Variants in SCHIP1 observed in about 807,000 individuals in gnomAD.
SCHIP1 encodes the protein schwannomin interacting protein 1.
A neutral mutation model predicts 29.7 loss-of-function variants in SCHIP1; 8 were observed. The ratio of observed to expected loss-of-function variants is 0.27; its 90% CI spans 0.16 to 0.49. The LOEUF is 0.49. Ranked by LOEUF, SCHIP1 falls within the 20% of genes least tolerant of loss-of-function variation. The probability of loss-of-function intolerance (pLI) is 0.99; values close to 1 mark genes in which losing one functional copy is unlikely to be tolerated. For missense variants in SCHIP1, 193 were observed against 294.6 expected (o/e 0.66, Z 2.52); for synonymous variants, 76 against 94.9 (o/e 0.80, Z 1.16).
the SCHIP1 span, among the ~76,000 whole-genome samples, chr3:159,553,103 T>A: frequency 6.6e-6 from 1 of 152,132 alleles, no homozygotes; most frequent in Admixed American, 6.5e-5. Context: ...AACCAAATAA[T>A]TTTCCTTTCT....
At chr3:159,459,231 A>G in the SCHIP1 span, among the ~76,000 whole-genome samples, 2 of 152,034 alleles carry the variant, frequency 1.3e-5, no homozygotes, top group African/African-American at 4.8e-5. Context: ...TATCCCAGGT[A>G]TGGTCTCCTG....
the SCHIP1 span, among the ~76,000 whole-genome samples, chr3:159,348,759 C>T: frequency 6.6e-6 from 1 of 152,034 alleles, no homozygotes; most frequent in East Asian, 1.9e-4. Flanking sequence ...AGGTTATTTT[C>T]CAAATTGATA....
the SCHIP1 span, among the ~76,000 whole-genome samples, chr3:159,744,310 C>A: frequency 6.6e-6 from 1 of 152,112 alleles, no homozygotes; most frequent in Admixed American, 6.5e-5. Flanking sequence ...AGAAACTGAT[C>A]AAAAAACTTT....
the SCHIP1 span, among the ~76,000 whole-genome samples, chr3:159,702,527 A>C: frequency 6.6e-6 from 1 of 152,244 alleles, no homozygotes; most frequent in African/African-American, 2.4e-5. Context: ...TTTCCATGAC[A>C]GTTCATAAAG....
chr3:159,468,750 TA>T, the SCHIP1 span, among the ~76,000 whole-genome samples: 199 of 128,940 alleles, frequency 1.5e-3, no homozygotes, highest in South Asian at 5.9e-3. Context: ...ATATAATATA[TA>T]ATATAATATA....
chr3:159,331,036 A>T, the SCHIP1 span, among the ~76,000 whole-genome samples: 37,235 of 152,046 alleles, frequency 0.24, 4,893 homozygotes, highest in African/African-American at 0.33. Flanking sequence ...TATGTCTTGG[A>T]TGGGATTTCC....
the SCHIP1 span, among the ~76,000 whole-genome samples, chr3:159,404,413 A>T: frequency 6.6e-6 from 1 of 152,142 alleles, no homozygotes; most frequent in African/African-American, 2.4e-5. Context: ...ACTGCCCTGA[A>T]GGGAGCGTCC....
chr3:159,587,611 C>T, the SCHIP1 span, among the ~76,000 whole-genome samples: 1 of 152,068 alleles, frequency 6.6e-6, no homozygotes, highest in African/African-American at 2.4e-5. Flanking sequence ...TAATGCTATC[C>T]CTCCCCCCTT....
At chr3:159,519,209 A>C in the SCHIP1 span, among the ~76,000 whole-genome samples, 333 of 152,290 alleles carry the variant, frequency 2.2e-3, no homozygotes, top group African/African-American at 7.9e-3. Flanking sequence ...TGAAGTAGCC[A>C]AGTTAGTCCC....
the SCHIP1 span, among the ~76,000 whole-genome samples, chr3:159,530,934 G>A: frequency 4.6e-5 from 7 of 152,154 alleles, no homozygotes; most frequent in Admixed American, 2.0e-4. Flanking sequence ...TTTTTAATGT[G>A]ATAGCATCAG....
chr3:159,758,367 G>T, the SCHIP1 span, among the ~76,000 whole-genome samples: 1 of 152,066 alleles, frequency 6.6e-6, no homozygotes, highest in Non-Finnish European at 1.5e-5. Flanking sequence ...TGGCCAGGCT[G>T]GTCTCGAACT....
At chr3:159,386,002 A>G in the SCHIP1 span, among the ~76,000 whole-genome samples, 1 of 152,160 alleles carries the variant, frequency 6.6e-6, no homozygotes, top group Non-Finnish European at 1.5e-5. Context: ...AGTTTTATCC[A>G]TGTCCCTGCA....
At chr3:159,360,313 G>C in the SCHIP1 span, among the ~76,000 whole-genome samples, 1 of 151,992 alleles carries the variant, frequency 6.6e-6, no homozygotes, top group Non-Finnish European at 1.5e-5. Flanking sequence ...CACTTTTTCT[G>C]GTGTACAGTT....
chr3:159,529,518 G>T, the SCHIP1 span, among the ~76,000 whole-genome samples: 1 of 152,080 alleles, frequency 6.6e-6, no homozygotes, highest in South Asian at 2.1e-4. Flanking sequence ...TGGCTTACAT[G>T]TGATACTTTG....
chr3:159,508,165 A>G, the SCHIP1 span, among the ~76,000 whole-genome samples: 47 of 152,124 alleles, frequency 3.1e-4, no homozygotes, highest in African/African-American at 1.1e-3. Context: ...GTCTAATCAG[A>G]GATTCAACTT....
the SCHIP1 span, among the ~76,000 whole-genome samples, chr3:159,646,647 C>T: frequency 8.5e-5 from 13 of 152,138 alleles, no homozygotes; most frequent in Non-Finnish European, 1.8e-4. Flanking sequence ...GCAGACCCAA[C>T]ACAACCCTGA....
chr3:159,328,093 G>T, the SCHIP1 span, among the ~76,000 whole-genome samples: 1 of 152,128 alleles, frequency 6.6e-6, no homozygotes, highest in Non-Finnish European at 1.5e-5. Context: ...CAACATAGTA[G>T]TCATTAGCCA....
the SCHIP1 span, among the ~76,000 whole-genome samples, chr3:159,359,216 G>A: frequency 6.6e-6 from 1 of 152,072 alleles, no homozygotes; most frequent in Non-Finnish European, 1.5e-5. Context: ...ATGAGCCACT[G>A]CGCCCAGCAG....
the SCHIP1 span, among the ~76,000 whole-genome samples, chr3:159,623,173 A>T: frequency 6.6e-6 from 1 of 152,202 alleles, no homozygotes; most frequent in Non-Finnish European, 1.5e-5. Context: ...TAAGTGTTTT[A>T]AAAAGTAAAC....
Sources: allele counts gnomAD v4.1 joint callset (sites outside exome capture counted in the v4.1 genomes callset), GRCh38; gene constraint gnomAD v4.1.1; transcripts MANE v1.5; gene names NCBI Gene and HGNC (gene_info 2026-07-23, HGNC 2026-07-21).